Variants in ASIP observed in about 807,000 individuals in gnomAD.
ASIP encodes agouti-signaling protein.
ASIP carries 11 observed loss-of-function variants against 10.3 expected under a neutral mutation model. The observed-to-expected ratio is 1.07, with a 90% CI of 0.68 to 1.78. The LOEUF is 1.78. Among genes scored for constraint, ASIP ranks in the 40% most tolerant of loss-of-function variants. ASIP has a pLI of 0.00. For missense variants in ASIP, 180 were observed against 169.2 expected (o/e 1.06, Z -0.35); for synonymous variants, 70 against 70.8 (o/e 0.99, Z 0.06).
chr20:34,215,752 A>G (rs1317439007), intron 1 of ASIP: 21 of 1,489,394 alleles, frequency 1.4e-5, no homozygotes, highest in African/African-American at 4.1e-5. Flanking sequence ...GATCATCACT[A>G]TATGTCCTCT....
intron 1 of ASIP, among the ~76,000 whole-genome samples, chr20:34,201,777 A>T (rs2034901624): frequency 6.6e-6 from 1 of 152,184 alleles, no homozygotes; most frequent in African/African-American, 2.4e-5. Flanking sequence ...TTTGTAGGAG[A>T]TACTGGTGAC....
intron 1 of ASIP, among the ~76,000 whole-genome samples, chr20:34,250,720 C>T (rs529529094): frequency 6.6e-6 from 1 of 152,228 alleles, no homozygotes; most frequent in Admixed American, 6.5e-5. Flanking sequence ...TCGCTTGAAC[C>T]CGGGAGGTGG....
chr20:34,220,712 G>C (rs1285002158), intron 1 of ASIP, among the ~76,000 whole-genome samples: 2 of 152,112 alleles, frequency 1.3e-5, no homozygotes, highest in Non-Finnish European at 2.9e-5. Flanking sequence ...ACATAGGGAG[G>C]CAGAATGAAT....
chr20:34,223,860 T>C (rs1428274128), intron 1 of ASIP, among the ~76,000 whole-genome samples: 1 of 100,470 alleles, frequency 1.0e-5, no homozygotes, highest in Non-Finnish European at 1.9e-5. Flanking sequence ...GACTTTTCAT[T>C]TTGTTCTGCA....
Position 34,269,308 on chromosome 20 carries a change from T to C in ASIP, c.*141T>C. The stretch of plus-strand genomic sequence containing the variant: ...AGATGGGACTTCAGGGAGACCTGGC[T>C]TGGGCTAAAATCGAAATACAATATA... On this transcript the variant is annotated 3_prime_UTR_variant, in exon 4 of 4. Transcript: ENST00000374954. 1 of 1,122,298 alleles carries C rather than the reference T, an allele frequency of 8.9e-7. No homozygotes were observed. The highest frequency in any genetic ancestry group is 1.7e-5 in the South Asian group (1 of 58,546). The allele number at this position is 1,122,298 out of a possible 1,614,324, so 69.5% of individuals were successfully genotyped here.
rs568833739 is a variant in ASIP at position 34,259,926 on chromosome 20, TCTCA to T, written c.-10-436_-10-433del. 2.3e-4 allele frequency among the ~76,000 whole-genome samples: 35 copies of T among 152,196 alleles called. No individual in the cohort carries two copies. In the South Asian group the frequency reaches 6.8e-3, roughly 30 times the overall value. On this transcript the variant is annotated intron_variant, in intron 1 of 3. Transcript: ENST00000374954. ...AAGGGGCCACTTACCTCTTCATCTT[TCTCA>T]CTGAGACTTAATTTATTAGCCTTAT...
upstream of ASIP, among the ~76,000 whole-genome samples, chr20:34,237,845 GTT>G: frequency 6.6e-6 from 1 of 151,018 alleles, no homozygotes; most frequent in Non-Finnish European, 1.5e-5. Flanking sequence ...TTTGTGGAGT[GTT>G]TTTTTTTATC....
At chr20:34,248,436 C>A (rs1201253547) in intron 1 of ASIP, among the ~76,000 whole-genome samples, 1 of 152,130 alleles carries the variant, frequency 6.6e-6, no homozygotes, top group African/African-American at 2.4e-5. Flanking sequence ...ATTATTCTTA[C>A]CAGAGTTAGC....
At chr20:34,234,635 C>G (rs573907849) in intron 1 of ASIP, among the ~76,000 whole-genome samples, 2 of 152,174 alleles carry the variant, frequency 1.3e-5, no homozygotes, top group East Asian at 3.9e-4. Flanking sequence ...AACCCCATCT[C>G]TACTAAAAAT....
upstream of ASIP, among the ~76,000 whole-genome samples, chr20:34,192,742 C>T (rs2034832246): frequency 6.6e-6 from 1 of 152,086 alleles, no homozygotes; most frequent in African/African-American, 2.4e-5. Flanking sequence ...AAGTTTGGGG[C>T]CTGCCTCAGA....
the ASIP span, among the ~76,000 whole-genome samples, chr20:34,187,732 G>T: frequency 6.6e-6 from 1 of 152,134 alleles, no homozygotes; most frequent in South Asian, 2.1e-4. Context: ...TTCCTTGATG[G>T]TTTGTTTTCA....
At chr20:34,236,305 C>T (rs1002825949) in intron 1 of ASIP, among the ~76,000 whole-genome samples, 12 of 151,594 alleles carry the variant, frequency 7.9e-5, no homozygotes, top group Non-Finnish European at 1.3e-4. Flanking sequence ...TTTGGGAGGC[C>T]GAAGCGGGCA....
chr20:34,248,037 C>T (rs1235838033), intron 1 of ASIP, among the ~76,000 whole-genome samples: 1 of 152,094 alleles, frequency 6.6e-6, no homozygotes, highest in East Asian at 1.9e-4. Flanking sequence ...GAAACACTGT[C>T]GCTACTAAAA....
intron 1 of ASIP, among the ~76,000 whole-genome samples, chr20:34,208,259 G>A (rs936418776): frequency 1.3e-5 from 2 of 152,084 alleles, no homozygotes; most frequent in African/African-American, 4.8e-5. Flanking sequence ...TGTTTGATCA[G>A]GATAGCTTTG....
chr20:34,225,326 A>C (rs1296951262), intron 1 of ASIP, among the ~76,000 whole-genome samples: 1 of 151,496 alleles, frequency 6.6e-6, no homozygotes, highest in Non-Finnish European at 1.5e-5. Flanking sequence ...GGTGTGAGCC[A>C]CCGCGCCCTG....
intron 1 of ASIP, among the ~76,000 whole-genome samples, chr20:34,201,021 T>TTCCTTTCC (rs1568744492): frequency 1.6e-5 from 1 of 61,894 alleles, no homozygotes; most frequent in Non-Finnish European, 3.0e-5. Flanking sequence ...TCCTTCCTTC[T>TTCCTTTCC]TTCTTTCTTT....
intron 1 of ASIP, among the ~76,000 whole-genome samples, chr20:34,218,230 G>A (rs551136016): frequency 4.6e-5 from 7 of 152,256 alleles, no homozygotes; most frequent in Admixed American, 4.6e-4. Flanking sequence ...AGACAATTGG[G>A]AAATTGCGAG....
chr20:34,227,629 C>CAAA (rs1207391194), intron 1 of ASIP, among the ~76,000 whole-genome samples: 3 of 82,650 alleles, frequency 3.6e-5, no homozygotes, highest in African/African-American at 1.0e-4. Flanking sequence ...GGCTCCATCT[C>CAAA]AAAAAAAAAA....
At chr20:34,192,997 ATTG>A, upstream of ASIP, among the ~76,000 whole-genome samples, 1 of 152,354 alleles carries the variant, frequency 6.6e-6, no homozygotes. Flanking sequence ...GTAATAAATT[ATTG>A]TTAACTATAG....
Sources: allele counts gnomAD v4.1 joint callset (sites outside exome capture counted in the v4.1 genomes callset), GRCh38; gene constraint gnomAD v4.1.1; transcripts MANE v1.5; gene names NCBI Gene and HGNC (gene_info 2026-07-23, HGNC 2026-07-21).